Variants in EIF3F observed in about 807,000 individuals in gnomAD.
The protein encoded by EIF3F is deubiquitinating enzyme eIF3f.
EIF3F carries 8 observed loss-of-function variants against 36.0 expected under a neutral mutation model. The observed-to-expected ratio is 0.22, with a 90% CI of 0.13 to 0.40. EIF3F has a LOEUF of 0.40. Among genes scored for constraint, EIF3F ranks in the 10% least tolerant of loss-of-function variants. The pLI is 1.00. For synonymous variants in EIF3F, 184 were observed against 188.5 expected, an observed-to-expected ratio of 0.98 and a Z score of 0.19; for missense variants, 430 against 467.6, an observed-to-expected ratio of 0.92 and a Z score of 0.74.
chr11:7,993,120 G>T, intron 4 of EIF3F, 96 bp downstream of exon 4: 1 of 1,398,790 alleles, frequency 7.1e-7, no homozygotes, highest in Non-Finnish European at 9.6e-7. Flanking sequence ...TGTGTAACTT[G>T]CTGTGTCCTT....
At position 7,987,504 on chromosome 11, in the gene EIF3F, C is replaced by T; in HGVS notation, c.152C>T (p.Ala51Val). The T allele has an allele frequency of 6.2e-7, 1 of 1,605,986 alleles. No individual in the cohort carries two copies. The highest frequency in any genetic ancestry group is 1.1e-5 in the South Asian group (1 of 90,530). ...CCAGCCTCATCCTCAGACCCTGCGG[C>T]AGCAGCGGCTGCAACTGCGGCTCCT... ...AAPASSSDPAAAAAATAAPGQ... is the reference protein window; with the variant it reads ...AAPASSSDPAVAAAATAAPGQ... The change falls in exon 1 of 8, where the codon GCA (alanine) becomes GTA (valine). Residue 51 changes from alanine (A) to valine (V), a missense_variant. By Grantham distance (64) the Ala-to-Val change is moderately conservative. Transcript: ENST00000651655.
At position 7,992,954 on chromosome 11, in the gene EIF3F, C is replaced by G. The variant is rs761446402; in HGVS notation, c.583C>G (p.Pro195Ala). ...LIHEYYSREA[P>A]NPIHLTVDTS... ...CCACGAGTACTACAGCCGAGAGGCC[C>G]CCAACCCCATCCACCTCACTGTGGA... Residue 195 changes from proline (P) to alanine (A), a missense_variant, in exon 4 of 8, where the codon CCC (proline) becomes GCC (alanine). Pro to Ala is a conservative substitution (Grantham distance 27, BLOSUM62 -1). Transcript: ENST00000651655. The G allele has an allele frequency of 3.7e-6, 6 of 1,613,666 alleles. No homozygotes were observed. The Admixed American group carries it at 8.3e-5, about 22-fold the overall frequency.
rs754416494 is a variant in EIF3F, at chr11:7,987,681, A to T, written c.329A>T (p.Asn110Ile). The T allele has an allele frequency of 6.6e-7, 1 of 1,516,498 alleles. No homozygotes were observed. Among genetic ancestry groups the T allele is most frequent in the Non-Finnish European group, 8.8e-7 (1 of 1,135,044 alleles). The allele number at this position is 1,516,498 out of a possible 1,614,324, so 93.9% of individuals were successfully genotyped here. Residue 110 changes from asparagine (N) to isoleucine (I), a missense_variant, in exon 1 of 8, where the codon AAC becomes ATC. Around this residue, in one of 2 missense-constraint regions of EIF3F, gnomAD observed 262 missense variants for 347.4 expected, o/e 0.75. Coordinates refer to ENST00000651655, the MANE Select transcript of EIF3F (RefSeq NM_003754.3). ...ATTGTGGACAGCTACGAGAGACGCA[A>T]CGAGGGTGCTGCCCGAGTTATCGGG... ...ASIVDSYERR[N>I]EGAARVIGTL...
Position 8,000,692 on chromosome 11 carries a change from T to A in EIF3F, c.*4670T>A, listed in dbSNP as rs190353362. On this transcript the variant is annotated 3_prime_UTR_variant, in exon 8 of 8. Coordinates refer to ENST00000651655, the MANE Select transcript of EIF3F (RefSeq NM_003754.3). Reference sequence around the variant, plus strand: ...AATTCTAGAATATGATAAAGTTGTGTTTTCAAGCAAGTAAAGATAGATTAC... The same window carrying A: ...AATTCTAGAATATGATAAAGTTGTGATTTCAAGCAAGTAAAGATAGATTAC... 2.0e-5 allele frequency: 3 copies of A among 152,282 alleles called. No homozygotes were observed. The East Asian group carries it at 5.8e-4, about 29-fold the overall frequency. The allele number at this position is 152,282 out of a possible 1,614,324, so 9.4% of individuals were successfully genotyped here.
At position 8,001,769 on chromosome 11, in the gene EIF3F, T is replaced by C. The variant is rs972654779; in HGVS notation, c.*5747T>C. ...GACAGGACGAAAGATTTACTTCTTA[T>C]TGTTTCTTCTGTATAACTTTTGAAT... On this transcript the variant is annotated 3_prime_UTR_variant, in exon 8 of 8. Coordinates refer to ENST00000651655, the MANE Select transcript of EIF3F (RefSeq NM_003754.3). The C allele has an allele frequency of 1.3e-5, 2 of 152,226 alleles. No homozygotes were observed. The highest frequency in any genetic ancestry group is 6.5e-5 in the Admixed American group (1 of 15,282). 9.4% of individuals were successfully genotyped at this position (152,226 alleles called of 1,614,324 possible). A position where few individuals can be genotyped will look rare whatever the true frequency, so the allele number is the denominator to read the frequency against.
intron 4 of EIF3F, among the ~76,000 whole-genome samples, chr11:7,993,773 G>A (rs1942126749): frequency 6.6e-6 from 1 of 152,080 alleles, no homozygotes; most frequent in Non-Finnish European, 1.5e-5. Flanking sequence ...ATACCACTAA[G>A]CACTAGCCAT....
chr11:7,996,219 T>A lies in EIF3F; in HGVS notation c.*197T>A. Reference sequence around the variant, plus strand: ...GCCGGGTGGAAGGGAGGAAAATGTTTTAGATCACACAGAAACTAGGAAGTG... The same window carrying A: ...GCCGGGTGGAAGGGAGGAAAATGTTATAGATCACACAGAAACTAGGAAGTG... On this transcript the variant is annotated 3_prime_UTR_variant, in exon 8 of 8. Coordinates refer to ENST00000651655, the MANE Select transcript of EIF3F (RefSeq NM_003754.3). 1.8e-6 allele frequency: 1 copy of A among 545,794 alleles called. No individual in the cohort carries two copies. Among genetic ancestry groups the A allele is most frequent in the Non-Finnish European group, 3.3e-6 (1 of 306,704 alleles). The allele number at this position is 545,794 out of a possible 1,614,324, so 33.8% of individuals were successfully genotyped here.
In EIF3F at chr11:7,996,565, A is replaced by G. The variant is rs1005485484; in HGVS notation, c.*543A>G. On this transcript the variant is annotated 3_prime_UTR_variant, in exon 8 of 8. Coordinates refer to ENST00000651655, the MANE Select transcript of EIF3F (RefSeq NM_003754.3). Reference sequence around the variant, plus strand: ...GTTAAAGATTAAAGAGGTTTCCCCAAAACTTCAGAAAATTCTTAGGTGCTA... The same window carrying G: ...GTTAAAGATTAAAGAGGTTTCCCCAGAACTTCAGAAAATTCTTAGGTGCTA... 2.0e-5 allele frequency: 3 copies of G among 152,838 alleles called. No individual in the cohort carries two copies. The highest frequency in any genetic ancestry group is 4.8e-5 in the African/African-American group (2 of 41,448). The allele number at this position is 152,838 out of a possible 1,614,324, so 9.5% of individuals were successfully genotyped here. A position where few individuals can be genotyped will look rare whatever the true frequency, so the allele number is the denominator to read the frequency against.
At chr11:7,995,397 C>G (rs773615356) in intron 7 of EIF3F, 30 bp downstream of exon 7, 19 of 1,556,188 alleles carry the variant, frequency 1.2e-5, no homozygotes, top group Non-Finnish European at 1.7e-5. Flanking sequence ...CCCTTCTTGC[C>G]TGGTTTCTTC....
rs557065077 is a variant in EIF3F, at chr11:7,991,909, C to T, written c.435+58C>T. On this transcript the variant is annotated intron_variant, in intron 2 of 7. Transcript: ENST00000651655. The stretch of plus-strand genomic sequence containing the variant: ...TTTTAGCTGTTCATTTGCTCGGCTC[C>T]CCTCACGGTCCCTCCCACACTCATA... The T allele has an allele frequency of 3.8e-6, 6 of 1,579,866 alleles. No homozygotes were observed. The East Asian group carries it at 6.7e-5, about 18-fold the overall frequency.
chr11:7,991,599 CCA>C (rs1318431602), intron 1 of EIF3F, among the ~76,000 whole-genome samples, 180 bp from the exon 2 acceptor site: 1 of 152,162 alleles, frequency 6.6e-6, no homozygotes, highest in East Asian at 1.9e-4. Flanking sequence ...GGCGATCACA[CCA>C]CAGTTTCAGT....
Position 7,994,525 on chromosome 11 carries a change from A to T in EIF3F, c.745+8A>T, listed in dbSNP as rs765047822. The stretch of plus-strand genomic sequence containing the variant: ...ACACTGAACGCATCGGAGGTGAGTA[A>T]CCTTTCCATACACTCGCGAGAGGCC... On this transcript the variant is annotated splice_region_variant and intron_variant, in intron 5 of 7. Transcript: ENST00000651655. The T allele has an allele frequency of 1.2e-6, 2 of 1,611,786 alleles. No individual in the cohort carries two copies. The highest frequency in any genetic ancestry group is 8.5e-7 in the Non-Finnish European group (1 of 1,178,854).
chr11:7,993,281 T>C (rs1461462771), intron 4 of EIF3F, among the ~76,000 whole-genome samples: 1 of 152,260 alleles, frequency 6.6e-6, no homozygotes, highest in Non-Finnish European at 1.5e-5. Flanking sequence ...AAGTCATCTT[T>C]TGTAGGACCT....
Position 7,998,171 on chromosome 11 carries a change from T to A in EIF3F, c.*2149T>A, listed in dbSNP as rs1217917357. ...TCACCATGAACACTGAATTAGAGAG[T>A]ACTGAACCATTATTCCCAAGGGAAA... On this transcript the variant is annotated 3_prime_UTR_variant, in exon 8 of 8. Transcript: ENST00000651655. The A allele has an allele frequency of 6.6e-6, 1 of 152,150 alleles. No individual in the cohort carries two copies. The highest frequency in any genetic ancestry group is 1.9e-4 in the East Asian group (1 of 5,194). The allele number at this position is 152,150 out of a possible 1,614,324, so 9.4% of individuals were successfully genotyped here. A position where few individuals can be genotyped will look rare whatever the true frequency, so the allele number is the denominator to read the frequency against.
intron 1 of EIF3F, among the ~76,000 whole-genome samples, chr11:7,990,846 C>G (rs1288081890): frequency 2.0e-5 from 3 of 148,324 alleles, no homozygotes; most frequent in Non-Finnish European, 4.5e-5. Context: ...GGTCTTAGGT[C>G]AAGAAACAAA....
rs1207755492 is a variant in EIF3F, at chr11:7,994,522, G to A, written c.745+5G>A. 1.2e-6 allele frequency: 2 copies of A among 1,612,426 alleles called. No homozygotes were observed. Among genetic ancestry groups the A allele is most frequent in the Non-Finnish European group, 1.7e-6 (2 of 1,179,228 alleles). ...ACGACACTGAACGCATCGGAGGTGA[G>A]TAACCTTTCCATACACTCGCGAGAG... On this transcript the variant is annotated splice_donor_5th_base_variant and intron_variant, in intron 5 of 7. Transcript: ENST00000651655.
rs891295171 is a variant in EIF3F, at chr11:7,997,390, A to T, written c.*1368A>T. The T allele has an allele frequency of 3.3e-5, 5 of 152,236 alleles. No individual in the cohort carries two copies. Among genetic ancestry groups the T allele is most frequent in the Non-Finnish European group, 7.3e-5 (5 of 68,036 alleles). The allele number at this position is 152,236 out of a possible 1,614,324, so 9.4% of individuals were successfully genotyped here. ...CCGAGGTTAATTGCTAGAAGTATAT[A>T]TAATCTCTCAATGAATAGTGATGAG... On this transcript the variant is annotated 3_prime_UTR_variant, in exon 8 of 8. Coordinates refer to ENST00000651655, the MANE Select transcript of EIF3F (RefSeq NM_003754.3).
chr11:7,988,565 G>T (rs565622026), intron 1 of EIF3F, among the ~76,000 whole-genome samples: 1 of 152,286 alleles, frequency 6.6e-6, no homozygotes, highest in African/African-American at 2.4e-5. Context: ...AGACTATGCT[G>T]GTCCCATGAA....
chr11:7,992,534 G>A (rs1409038015), intron 3 of EIF3F: 1 of 428,046 alleles, frequency 2.3e-6, no homozygotes, highest in Non-Finnish European at 4.3e-6. Flanking sequence ...ATCATGCCTT[G>A]CCACTGCATT....
Sources: gnomAD v4.1 joint callset for allele counts (sites outside exome capture counted in the v4.1 genomes callset) on GRCh38, gnomAD v4.1.1 for gene constraint, gnomAD v4.1.1 regional missense constraint, MANE v1.5 for transcripts, NCBI Gene and HGNC (gene_info 2026-07-23, HGNC 2026-07-21) for gene names.